The following CNTNAP2 variants were observed in gnomAD, a reference collection of about 807,000 sequenced individuals.
The protein encoded by CNTNAP2 is contactin-associated protein-like 2.
Under a neutral mutation model 155.2 loss-of-function variants are expected in CNTNAP2, and 98 were observed. That is an observed-to-expected ratio of 0.63 (90% CI 0.54 to 0.75). The LOEUF is 0.75. CNTNAP2 is among the 30% of genes least tolerant of loss of function. CNTNAP2 has a pLI of 0.00. For synonymous variants in CNTNAP2, 651 were observed against 631.2 expected (o/e 1.03, Z -0.47); for missense variants, 1,727 against 1,688.1 (o/e 1.02, Z -0.40).
At position 147,225,910 on chromosome 7, in the gene CNTNAP2, GGAAGGAAGGAAA is replaced by G. The variant is rs1431224337; in HGVS notation, c.1349-74205_1349-74194del. 2.7e-3 allele frequency among the ~76,000 whole-genome samples: 297 copies of G among 108,300 alleles called. 1 individual carries two copies. The highest frequency in any genetic ancestry group is 0.011 in the Middle Eastern group (2 of 180). 71.0% of individuals were successfully genotyped at this position (108,300 alleles called of 152,430 possible). A position where few individuals can be genotyped will look rare whatever the true frequency, so the allele number is the denominator to read the frequency against. On this transcript the variant is annotated intron_variant, in intron 8 of 23. Coordinates refer to ENST00000361727, the MANE Select transcript of CNTNAP2 (RefSeq NM_014141.6). ...AGGAAGGAAGGAAGGAAGGAAAGAAGGAAGGAAGGAAAGAAGGAAGGAAAGAAGGAAGGAAAG... is the reference window on the plus strand; with the variant it reads ...AGGAAGGAAGGAAGGAAGGAAAGAAGGAAGGAAGGAAAGAAGGAAGGAAAG...
intron 1 of CNTNAP2, among the ~76,000 whole-genome samples, chr7:146,469,087 A>C (rs1456420702): frequency 6.6e-6 from 1 of 152,232 alleles, no homozygotes; most frequent in Non-Finnish European, 1.5e-5. Flanking sequence ...GTGTTGTTGC[A>C]AAGTAATATG....
At chr7:147,467,197 G>T (rs1798135763) in intron 10 of CNTNAP2, among the ~76,000 whole-genome samples, 1 of 152,100 alleles carries the variant, frequency 6.6e-6, no homozygotes. Flanking sequence ...GTAAAAAATG[G>T]TGAAGCCATT....
At chr7:147,188,050 G>A (rs1802604092) in intron 8 of CNTNAP2, among the ~76,000 whole-genome samples, 2 of 152,170 alleles carry the variant, frequency 1.3e-5, no homozygotes, top group South Asian at 4.1e-4. Context: ...GACCAAGTGA[G>A]ACTTCATCTC....
At chr7:147,563,739 T>A (rs966181392) in intron 12 of CNTNAP2, among the ~76,000 whole-genome samples, 1 of 152,216 alleles carries the variant, frequency 6.6e-6, no homozygotes, top group Admixed American at 6.5e-5. Context: ...GAACCACTTA[T>A]AGAGTTTTAT....
chr7:146,177,677 A>C (rs1221110404), intron 1 of CNTNAP2, among the ~76,000 whole-genome samples: 1 of 152,204 alleles, frequency 6.6e-6, no homozygotes. Flanking sequence ...TGACTTCCCA[A>C]TGTCTTCTGA....
intron 17 of CNTNAP2, among the ~76,000 whole-genome samples, chr7:148,148,560 C>G (rs758301747): frequency 6.6e-6 from 1 of 152,196 alleles, no homozygotes; most frequent in Non-Finnish European, 1.5e-5. Flanking sequence ...AAGTCTCAGA[C>G]AAAGCAAGAT....
chr7:147,865,700 C>T (rs1161719058), intron 13 of CNTNAP2, among the ~76,000 whole-genome samples: 1 of 152,094 alleles, frequency 6.6e-6, no homozygotes, highest in Non-Finnish European at 1.5e-5. Context: ...TCTAGATTTT[C>T]TAGTTTATTT....
intron 21 of CNTNAP2, among the ~76,000 whole-genome samples, chr7:148,284,163 C>T (rs1000152324): frequency 6.6e-5 from 10 of 152,182 alleles, no homozygotes; most frequent in Non-Finnish European, 1.2e-4. Flanking sequence ...GTTCATGGAG[C>T]GTTACAGTTT....
chr7:148,013,117 T>G (rs1213151089), intron 15 of CNTNAP2: 1 of 152,188 alleles, frequency 6.6e-6, no homozygotes, highest in East Asian at 1.9e-4. Context: ...CAGGAGAAGC[T>G]TATTAAATGT....
chr7:147,806,143 C>G (rs1798086935), intron 13 of CNTNAP2, among the ~76,000 whole-genome samples: 1 of 152,026 alleles, frequency 6.6e-6, no homozygotes, highest in South Asian at 2.1e-4. Flanking sequence ...GAACACAACT[C>G]AATAGCAAAA....
chr7:146,569,416 A>G (rs549031546), intron 1 of CNTNAP2, among the ~76,000 whole-genome samples: 1 of 152,270 alleles, frequency 6.6e-6, no homozygotes, highest in South Asian at 2.1e-4. Context: ...GCCCAATTAC[A>G]TATATTTCAC....
chr7:146,384,020 A>G (rs1163140283), intron 1 of CNTNAP2, among the ~76,000 whole-genome samples: 1 of 152,156 alleles, frequency 6.6e-6, no homozygotes, highest in East Asian at 1.9e-4. Context: ...TTCGATATTG[A>G]GCTTTGGCTC....
At chr7:146,615,340 C>T (rs992700834) in intron 1 of CNTNAP2, among the ~76,000 whole-genome samples, 4 of 152,168 alleles carry the variant, frequency 2.6e-5, no homozygotes, top group Non-Finnish European at 2.9e-5. Flanking sequence ...TGTCCCCAAA[C>T]AGGAATTTGA....
intron 21 of CNTNAP2, among the ~76,000 whole-genome samples, chr7:148,309,089 G>A (rs1585260621): frequency 6.6e-6 from 1 of 152,228 alleles, no homozygotes; most frequent in Middle Eastern, 3.4e-3. Flanking sequence ...TGGGTATATA[G>A]CCAGTAATGG....
At chr7:147,459,666 C>A (rs1388911038) in intron 10 of CNTNAP2, among the ~76,000 whole-genome samples, 1 of 152,130 alleles carries the variant, frequency 6.6e-6, no homozygotes, top group Non-Finnish European at 1.5e-5. Context: ...CCAAGGAATG[C>A]AGACTGCCTT....
chr7:147,167,731 G>A (rs904766044), intron 8 of CNTNAP2, among the ~76,000 whole-genome samples: 4 of 152,066 alleles, frequency 2.6e-5, no homozygotes, highest in South Asian at 2.1e-4. Flanking sequence ...AGTGGGCTTC[G>A]GAGTGAATGT....
At chr7:146,325,954 G>T (rs1227178466) in intron 1 of CNTNAP2, among the ~76,000 whole-genome samples, 1 of 152,050 alleles carries the variant, frequency 6.6e-6, no homozygotes, top group Non-Finnish European at 1.5e-5. Flanking sequence ...GTCTTCAAAA[G>T]AATTGCTCAG....
At chr7:146,826,496 T>G (rs1803403065) in intron 2 of CNTNAP2, among the ~76,000 whole-genome samples, 1 of 152,102 alleles carries the variant, frequency 6.6e-6, no homozygotes, top group African/African-American at 2.4e-5. Context: ...CATGGGGAAC[T>G]AAGCAAGTCC....
At chr7:148,242,822 A>G (rs1796183361) in intron 20 of CNTNAP2, among the ~76,000 whole-genome samples, 1 of 152,236 alleles carries the variant, frequency 6.6e-6, no homozygotes, top group Non-Finnish European at 1.5e-5. Context: ...GAGCTTGGCT[A>G]TTTGAAAGTG....
Sources: gnomAD v4.1 joint callset for allele counts (sites outside exome capture counted in the v4.1 genomes callset) on GRCh38, gnomAD v4.1.1 for gene constraint, MANE v1.5 for transcripts, NCBI Gene and HGNC (gene_info 2026-07-23, HGNC 2026-07-21) for gene names.